The following CCDC85A variants were observed in gnomAD, a reference collection of about 807,000 sequenced individuals.
CCDC85A encodes coiled-coil domain containing 85A.
In CCDC85A, 38 loss-of-function variants were observed where a neutral mutation model predicts 50.2. That is an observed-to-expected ratio of 0.76 (90% CI 0.58 to 0.99). The LOEUF (loss-of-function observed/expected upper bound fraction) is 0.99, where lower values mean the gene tolerates loss of function less well. CCDC85A is among the 50% of genes least tolerant of loss of function. CCDC85A has a pLI of 0.00. For synonymous variants in CCDC85A, 366 were observed against 301.4 expected, an observed-to-expected ratio of 1.21 and a Z score of -2.22; for missense variants, 820 against 742.0, an observed-to-expected ratio of 1.11 and a Z score of -1.22.
At chr2:56,341,617 T>G (rs1674375212) in intron 2 of CCDC85A, among the ~76,000 whole-genome samples, 1 of 152,238 alleles carries the variant, frequency 6.6e-6, no homozygotes, top group African/African-American at 2.4e-5. Flanking sequence ...AGAAATAAAA[T>G]TTTACTTTTC....
At chr2:56,342,745 TA>T (rs756967558) in intron 2 of CCDC85A, 133 bp from the exon 3 acceptor site, 43 of 504,186 alleles carry the variant, frequency 8.5e-5, no homozygotes, top group Non-Finnish European at 8.0e-5. Flanking sequence ...TTCTGGGAGA[TA>T]TTTTTTTTTC....
At position 56,192,521 on chromosome 2, in the gene CCDC85A, C is replaced by A; in HGVS notation, c.321C>A (p.Asp107Glu). The change falls in exon 2 of 6, where the codon GAC becomes GAA. Residue 107 changes from aspartate to glutamate, a missense_variant. Transcript: ENST00000407595. This position sits in a 1 kb window ranked among gnomAD's most constrained non-coding sequence, Gnocchi z 4.7. ...AGGAAGACAACCAGGAACTGAGGGA[C>A]CTCTGCTGTTTCCTGGATGATGACC... ...KLQEDNQELRDLCCFLDDDRQ... is the reference protein window; with the variant it reads ...KLQEDNQELRELCCFLDDDRQ... The A allele has an allele frequency of 6.2e-7, 1 of 1,613,826 alleles. No individual in the cohort carries two copies. Among genetic ancestry groups the A allele is most frequent in the Non-Finnish European group, 8.5e-7 (1 of 1,179,830 alleles).
chr2:56,247,902 A>C (rs550049830), intron 2 of CCDC85A, among the ~76,000 whole-genome samples: 1 of 152,326 alleles, frequency 6.6e-6, no homozygotes, highest in South Asian at 2.1e-4. Flanking sequence ...TGCTGGTACT[A>C]TAAGCTATTT....
intron 2 of CCDC85A, among the ~76,000 whole-genome samples, chr2:56,288,838 G>A (rs1335184305): frequency 6.6e-6 from 1 of 152,116 alleles, no homozygotes; most frequent in African/African-American, 2.4e-5. Flanking sequence ...TGTGTAATTT[G>A]GTGTCTACAT....
intron 5 of CCDC85A, among the ~76,000 whole-genome samples, chr2:56,382,018 A>T (rs1017195045): frequency 1.3e-5 from 2 of 151,936 alleles, no homozygotes; most frequent in African/African-American, 2.4e-5. Flanking sequence ...TTTGTCTTTG[A>T]TCCCCAGAAT....
intron 4 of CCDC85A, among the ~76,000 whole-genome samples, chr2:56,374,185 C>A (rs1032637318): frequency 6.6e-6 from 1 of 152,288 alleles, no homozygotes; most frequent in Admixed American, 6.5e-5. Flanking sequence ...ACTGAGGAAG[C>A]CACGTACATG....
At chr2:56,352,794 C>G (rs1675021428) in intron 3 of CCDC85A, among the ~76,000 whole-genome samples, 1 of 152,162 alleles carries the variant, frequency 6.6e-6, no homozygotes, top group East Asian at 1.9e-4. Context: ...AGAAATAACA[C>G]CAAATAGGGG....
intron 2 of CCDC85A, among the ~76,000 whole-genome samples, chr2:56,307,577 A>C (rs2104213061): frequency 1.3e-5 from 2 of 152,322 alleles, no homozygotes; most frequent in Middle Eastern, 6.8e-3. Context: ...GCATATCATT[A>C]ATTGAATGTT....
At chr2:56,323,101 A>G (rs953693970) in intron 2 of CCDC85A, among the ~76,000 whole-genome samples, 1 of 152,134 alleles carries the variant, frequency 6.6e-6, no homozygotes, top group Non-Finnish European at 1.5e-5. Flanking sequence ...CAATGAGAAC[A>G]CATGGACACA....
intron 2 of CCDC85A, among the ~76,000 whole-genome samples, chr2:56,214,284 T>C (rs1462972665): frequency 6.6e-6 from 1 of 151,912 alleles, no homozygotes; most frequent in African/African-American, 2.4e-5. Flanking sequence ...CATAGGGATA[T>C]TAAGTGAGTA....
At chr2:56,384,115 A>G in intron 5 of CCDC85A, 151 bp from the exon 6 acceptor site, 1 of 676,918 alleles carries the variant, frequency 1.5e-6, no homozygotes, top group East Asian at 2.8e-5. Flanking sequence ...TTGTCATCAC[A>G]TTTTATTTTG....
Position 56,252,326 on chromosome 2 carries a change from G to A in CCDC85A, c.1240+58886G>A, listed in dbSNP as rs191337156. On this transcript the variant is annotated intron_variant, in intron 2 of 5. Transcript: ENST00000407595. ...CTCTCAAAGTGCTGGGATTATAGGCGTGAGCCACTGCGCCTGACCTCATCA... is the reference window on the plus strand; with the variant it reads ...CTCTCAAAGTGCTGGGATTATAGGCATGAGCCACTGCGCCTGACCTCATCA... Among the ~76,000 whole-genome samples, 579 of 152,244 alleles carry A rather than the reference G, an allele frequency of 3.8e-3. 3 individuals are homozygous for A. Among genetic ancestry groups the A allele is most frequent in the African/African-American group, 0.013 (529 of 41,540 alleles).
At chr2:56,324,881 C>A (rs1207627355) in intron 2 of CCDC85A, among the ~76,000 whole-genome samples, 1 of 152,038 alleles carries the variant, frequency 6.6e-6, no homozygotes, top group Non-Finnish European at 1.5e-5. Flanking sequence ...ATCACAGTTC[C>A]TTCCCCATGG....
chr2:56,249,516 A>G (rs1259714091), intron 2 of CCDC85A, among the ~76,000 whole-genome samples: 1 of 152,250 alleles, frequency 6.6e-6, no homozygotes, highest in Non-Finnish European at 1.5e-5. Context: ...GAACAGCCTC[A>G]GAAGACACAC....
chr2:56,259,367 A>G (rs1670123832), intron 2 of CCDC85A, among the ~76,000 whole-genome samples: 3 of 152,132 alleles, frequency 2.0e-5, no homozygotes, highest in African/African-American at 2.4e-5. Flanking sequence ...CAAGGAGCCA[A>G]TGGGCCCTGG....
At chr2:56,188,734 C>G (rs1049909526) in intron 1 of CCDC85A, among the ~76,000 whole-genome samples, 1 of 152,218 alleles carries the variant, frequency 6.6e-6, no homozygotes, top group African/African-American at 2.4e-5. Context: ...TCTGACATAG[C>G]TAGTGCTTGC....
intron 2 of CCDC85A, among the ~76,000 whole-genome samples, chr2:56,231,333 C>T (rs971418157): frequency 1.3e-5 from 2 of 152,192 alleles, no homozygotes; most frequent in Non-Finnish European, 2.9e-5. Context: ...TCTCAGGAGC[C>T]TGGCTCTTGC....
intron 5 of CCDC85A, among the ~76,000 whole-genome samples, chr2:56,379,344 G>A (rs1446526300): frequency 2.0e-5 from 3 of 152,032 alleles, no homozygotes; most frequent in Non-Finnish European, 2.9e-5. Context: ...TTTTATGCAG[G>A]CCATGTCTAC....
chr2:56,323,301 A>T (rs1231115336), intron 2 of CCDC85A, among the ~76,000 whole-genome samples: 2 of 152,106 alleles, frequency 1.3e-5, no homozygotes, highest in African/African-American at 2.4e-5. Context: ...AATAAAAAAT[A>T]AAAAAAGAAC....
Sources: allele counts gnomAD v4.1 joint callset (sites outside exome capture counted in the v4.1 genomes callset), GRCh38; gene constraint gnomAD v4.1.1; non-coding constraint Gnocchi (gnomAD v3.1); transcripts MANE v1.5; gene names NCBI Gene and HGNC (gene_info 2026-07-23, HGNC 2026-07-21).